CNTNAP5: variants seen among roughly 807,000 people sequenced by gnomAD.
CNTNAP5 encodes the protein contactin-associated protein-like 5.
A neutral mutation model predicts 150.2 loss-of-function variants in CNTNAP5; 72 were observed. The ratio of observed to expected loss-of-function variants is 0.48; its 90% CI spans 0.40 to 0.58. The LOEUF is 0.58. Among genes scored for constraint, CNTNAP5 ranks in the 20% least tolerant of loss-of-function variants. CNTNAP5 has a pLI of 0.00. For synonymous variants in CNTNAP5, 672 were observed against 619.8 expected (o/e 1.08, Z -1.25); for missense variants, 1,636 against 1,626.2 (o/e 1.01, Z -0.10).
At chr2:124,348,455 G>A (rs1689794179) in intron 3 of CNTNAP5, among the ~76,000 whole-genome samples, 1 of 151,992 alleles carries the variant, frequency 6.6e-6, no homozygotes, top group South Asian at 2.1e-4. Context: ...GTTAGTTATG[G>A]GCATTTTGTA....
intron 1 of CNTNAP5, among the ~76,000 whole-genome samples, chr2:124,043,494 T>C (rs1202328738): frequency 1.3e-5 from 2 of 152,204 alleles, no homozygotes; most frequent in Non-Finnish European, 2.9e-5. Context: ...CTTCTCTCAA[T>C]CTTTTCAATC....
intron 7 of CNTNAP5, among the ~76,000 whole-genome samples, chr2:124,489,186 A>G (rs899218401): frequency 3.9e-5 from 6 of 152,164 alleles, no homozygotes; most frequent in African/African-American, 1.4e-4. Context: ...TCCTTCTATC[A>G]CTGTATTAGT....
At chr2:124,168,619 C>T (rs575889326) in intron 1 of CNTNAP5, among the ~76,000 whole-genome samples, 1 of 152,234 alleles carries the variant, frequency 6.6e-6, no homozygotes, top group South Asian at 2.1e-4. Context: ...GGGGATTAGA[C>T]CTGGCCTCAA....
intron 13 of CNTNAP5, among the ~76,000 whole-genome samples, chr2:124,742,641 CACACACACACAT>C (rs1464910194): frequency 6.7e-6 from 1 of 148,650 alleles, no homozygotes; most frequent in African/African-American, 2.5e-5. Context: ...CACACACACA[CACACACACACAT>C]ATATATATAT....
chr2:124,238,638 T>G (rs915558982), intron 2 of CNTNAP5, among the ~76,000 whole-genome samples: 1 of 152,188 alleles, frequency 6.6e-6, no homozygotes, highest in Non-Finnish European at 1.5e-5. Context: ...TAGGAATTTT[T>G]GTAGTTAATA....
At chr2:124,201,055 C>T (rs2420570) in intron 1 of CNTNAP5, among the ~76,000 whole-genome samples, 29,535 of 152,096 alleles carry the variant, frequency 0.19, 3,042 homozygotes, top group East Asian at 0.25. Context: ...TTTGCTGGGC[C>T]ACCCATCACA....
chr2:124,172,268 A>T (rs1377465559), intron 1 of CNTNAP5, among the ~76,000 whole-genome samples: 1 of 152,198 alleles, frequency 6.6e-6, no homozygotes, highest in African/African-American at 2.4e-5. Flanking sequence ...ATAACTACTA[A>T]AATATATTTG....
intron 1 of CNTNAP5, among the ~76,000 whole-genome samples, chr2:124,172,789 GT>G (rs1558786052): frequency 2.0e-5 from 3 of 151,322 alleles, no homozygotes; most frequent in Admixed American, 2.0e-4. Context: ...CTGTGTGTGT[GT>G]GTGTGTGTGT....
chr2:124,548,943 A>C (rs1215274197), intron 10 of CNTNAP5, among the ~76,000 whole-genome samples: 1 of 152,092 alleles, frequency 6.6e-6, no homozygotes, highest in South Asian at 2.1e-4. Flanking sequence ...GAATCTTGTC[A>C]CCTCTGAAGG....
At chr2:124,422,362 C>T (rs1692126467) in intron 4 of CNTNAP5, among the ~76,000 whole-genome samples, 1 of 152,062 alleles carries the variant, frequency 6.6e-6, no homozygotes, top group Non-Finnish European at 1.5e-5. Context: ...CAGTAGATAC[C>T]ATTTATTTAG....
chr2:124,189,158 G>T (rs183463944), intron 1 of CNTNAP5, among the ~76,000 whole-genome samples: 67 of 152,148 alleles, frequency 4.4e-4, no homozygotes, highest in Non-Finnish European at 7.4e-4. Context: ...TCAAGCAATT[G>T]TGTCAGGCAT....
intron 11 of CNTNAP5, among the ~76,000 whole-genome samples, chr2:124,605,069 T>C (rs1254174630): frequency 1.3e-5 from 2 of 152,162 alleles, no homozygotes; most frequent in East Asian, 3.9e-4. Context: ...GTACTTTGTT[T>C]CTTGCTGTTC....
chr2:124,865,851 G>A (rs570856067), intron 20 of CNTNAP5, among the ~76,000 whole-genome samples: 13 of 152,098 alleles, frequency 8.5e-5, no homozygotes, highest in African/African-American at 3.1e-4. Flanking sequence ...GGCTGAGGCA[G>A]GAGAATCGCT....
intron 19 of CNTNAP5, among the ~76,000 whole-genome samples, chr2:124,842,907 T>G (rs1234964075): frequency 2.0e-5 from 3 of 152,084 alleles, no homozygotes; most frequent in Admixed American, 6.6e-5. Flanking sequence ...CTTTTTAATT[T>G]TTTTTTTAAT....
At chr2:124,300,296 C>A (rs959137674) in intron 3 of CNTNAP5, among the ~76,000 whole-genome samples, 19 of 152,138 alleles carry the variant, frequency 1.2e-4, no homozygotes, top group Non-Finnish European at 2.4e-4. Flanking sequence ...TATCACTGAA[C>A]CCAAACATTT....
At chr2:124,542,023 T>C (rs1390167707) in intron 10 of CNTNAP5, among the ~76,000 whole-genome samples, 1 of 152,056 alleles carries the variant, frequency 6.6e-6, no homozygotes, top group East Asian at 1.9e-4. Flanking sequence ...GAATTATTCC[T>C]TTAGACAGGG....
chr2:124,804,095 C>T (rs1314545512), intron 19 of CNTNAP5, among the ~76,000 whole-genome samples: 16 of 152,166 alleles, frequency 1.1e-4, no homozygotes, highest in Admixed American at 9.8e-4. Flanking sequence ...TTGCTATCTC[C>T]CAGACTTTGT....
intron 13 of CNTNAP5, among the ~76,000 whole-genome samples, chr2:124,742,175 C>A (rs778718208): frequency 1.3e-5 from 2 of 152,144 alleles, no homozygotes; most frequent in Non-Finnish European, 2.9e-5. Context: ...TATAGGCAGA[C>A]CTAAGACAAC....
At chr2:124,826,505 G>A (rs368928123) in intron 19 of CNTNAP5, among the ~76,000 whole-genome samples, 54 of 152,232 alleles carry the variant, frequency 3.5e-4, no homozygotes, top group African/African-American at 1.3e-3. Flanking sequence ...ATTCTGGGAT[G>A]AAGCCCAGAA....
Sources: gnomAD v4.1 joint callset for allele counts (sites outside exome capture counted in the v4.1 genomes callset) on GRCh38, gnomAD v4.1.1 for gene constraint, MANE v1.5 for transcripts, NCBI Gene and HGNC (gene_info 2026-07-23, HGNC 2026-07-21) for gene names.